The following CNOT1 variants were observed in gnomAD, a reference collection of about 807,000 sequenced individuals.
The protein encoded by CNOT1 is CCR4-NOT transcription complex subunit 1.
In CNOT1, 15 loss-of-function variants were observed where a neutral mutation model predicts 273.8. That is an observed-to-expected ratio of 0.05 (90% confidence interval 0.04 to 0.08). CNOT1 has a LOEUF of 0.08. Ranked by LOEUF, CNOT1 falls within the 10% of genes least tolerant of loss-of-function variation. CNOT1 has a pLI of 1.00. For synonymous variants in CNOT1, 1,022 were observed against 1,005.5 expected (o/e 1.02, Z -0.31); for missense variants, 1,644 against 2,912.2 (o/e 0.56, Z 10.02).
At chr16:58,558,059 AG>A (rs1304291504) in intron 18 of CNOT1, among the ~76,000 whole-genome samples, 1 of 152,182 alleles carries the variant, frequency 6.6e-6, no homozygotes, top group Non-Finnish European at 1.5e-5. Flanking sequence ...ATCATTTTCA[AG>A]GTTGGTGAAA....
chr16:58,601,872 TAAA>T (rs10713432), intron 1 of CNOT1, among the ~76,000 whole-genome samples: 1 of 144,242 alleles, frequency 6.9e-6, no homozygotes. Context: ...CCCTGTCTAT[TAAA>T]AAAAAAAAAA....
intron 17 of CNOT1, among the ~76,000 whole-genome samples, 153 bp from the exon 18 acceptor site, chr16:58,558,827 C>G (rs749282275): frequency 6.6e-6 from 1 of 152,194 alleles, no homozygotes; most frequent in Non-Finnish European, 1.5e-5. Context: ...GTTATCAAGT[C>G]AAGTGTGTCA....
rs1380461103 is a variant in CNOT1 at position 58,542,338 on chromosome 16, G to A, written c.4576-3C>T. 6.2e-7 allele frequency: 1 copy of A among 1,613,118 alleles called. No individual in the cohort carries two copies. Among genetic ancestry groups the A allele is most frequent in the South Asian group, 1.1e-5 (1 of 90,960 alleles). On this transcript the variant is annotated splice_polypyrimidine_tract_variant and splice_region_variant and intron_variant, in intron 32 of 48. Transcript: ENST00000317147. Reference sequence around the variant, plus strand: ...GCATGTTTTCTCAGCTCAAATTCCTGCAAACAAAAAAAGTCACTGAGGTTC... The same window carrying A: ...GCATGTTTTCTCAGCTCAAATTCCTACAAACAAAAAAAGTCACTGAGGTTC...
chr16:58,526,019 A>T lies in CNOT1; in HGVS notation c.6573T>A (p.Thr2191=), dbSNP rs767516673. The part of the protein sequence containing the change: ...DSYLKTRSPV[T]FLSDLRSNLQ... ...GGTTGCTGCGCAGATCAGACAGGAA[A>T]GTGACTGGTGATCGAGTTTTAAGAT... Residue 2191 remains threonine (T), a synonymous_variant, in exon 45 of 49, where the codon ACT becomes ACA. Transcript: ENST00000317147. 1.2e-6 allele frequency: 2 copies of T among 1,614,156 alleles called. No individual in the cohort carries two copies. Among genetic ancestry groups the T allele is most frequent in the Non-Finnish European group, 1.7e-6 (2 of 1,179,998 alleles).
At position 58,547,468 on chromosome 16, in the gene CNOT1, C is replaced by T. The variant is rs1440800957; in HGVS notation, c.3639+98G>A. ...ACTCAAAACGTGGGCCAAAATCTTA[C>T]AAAACCCCAATAATCATTAAATAGC... On this transcript the variant is annotated intron_variant, in intron 26 of 48. Transcript: ENST00000317147. The surrounding 1 kb of genome is among the most constrained non-coding windows in gnomAD (Gnocchi z 4.0). 2.0e-6 allele frequency: 3 copies of T among 1,516,236 alleles called. No homozygotes were observed. The highest frequency in any genetic ancestry group is 1.4e-5 in the African/African-American group (1 of 71,800). 93.9% of individuals were successfully genotyped at this position (1,516,236 alleles called of 1,614,324 possible).
chr16:58,584,165 C>CAAAAGAA, intron 8 of CNOT1, among the ~76,000 whole-genome samples: 1 of 142,318 alleles, frequency 7.0e-6, no homozygotes, highest in African/African-American at 2.6e-5. Flanking sequence ...AACACTCCGT[C>CAAAAGAA]TCAAAAAAAA....
chr16:58,579,352 A>G (rs2041574720), intron 12 of CNOT1, among the ~76,000 whole-genome samples: 1 of 152,218 alleles, frequency 6.6e-6, no homozygotes. Context: ...TGGATTCTCA[A>G]TCATAGAAAT....
Position 58,538,658 on chromosome 16 carries a change from AGTGT to A in CNOT1, c.5135+110_5135+113del, listed in dbSNP as rs2039990062. Reference sequence around the variant, plus strand: ...TCACCTCTCAGAAGTAGGAAGTCTAAGTGTCCGACCTACCTACTAGAAAAAAGGG... The same window carrying A: ...TCACCTCTCAGAAGTAGGAAGTCTAACCGACCTACCTACTAGAAAAAAGGG... On this transcript the variant is annotated intron_variant, in intron 36 of 48. Coordinates refer to ENST00000317147, the MANE Select transcript of CNOT1 (RefSeq NM_016284.5). 35 of 1,458,744 alleles carry A rather than the reference AGTGT, an allele frequency of 2.4e-5. No individual in the cohort carries two copies. The East Asian group carries it at 7.8e-4, about 32-fold the overall frequency. The allele number at this position is 1,458,744 out of a possible 1,614,324, so 90.4% of individuals were successfully genotyped here. A position where few individuals can be genotyped will look rare whatever the true frequency, so the allele number is the denominator to read the frequency against.
At chr16:58,546,830 A>G (rs12597580) in intron 27 of CNOT1, 81 bp from the exon 28 acceptor site, 84,121 of 1,536,112 alleles carry the variant, frequency 0.055, 5,398 homozygotes, top group East Asian at 0.25. Context: ...ATACAACATA[A>G]GGGGGTAGGG....
chr16:58,537,670 C>G (rs939867994), intron 38 of CNOT1, among the ~76,000 whole-genome samples: 1 of 152,214 alleles, frequency 6.6e-6, no homozygotes, highest in African/African-American at 2.4e-5. Flanking sequence ...GACTCTGACA[C>G]TAAGTCTGGT....
In CNOT1 at chr16:58,614,389, C is replaced by T. The variant is rs905299948; in HGVS notation, c.-174-14878G>A. Among the ~76,000 whole-genome samples, 7 of 125,166 alleles carry T rather than the reference C, an allele frequency of 5.6e-5. 1 individual carries two copies. Among genetic ancestry groups the T allele is most frequent in the African/African-American group, 1.9e-4 (7 of 37,140 alleles). The allele number at this position is 125,166 out of a possible 152,430, so 82.1% of individuals were successfully genotyped here. A position where few individuals can be genotyped will look rare whatever the true frequency, so the allele number is the denominator to read the frequency against. On this transcript the variant is annotated intron_variant, in intron 1 of 48. Coordinates refer to ENST00000317147, the MANE Select transcript of CNOT1 (RefSeq NM_016284.5). Reference sequence around the variant, plus strand: ...AACCAAATGTGGTTTATGATGAACACCGGCTTTCTATCTAGATGAATACCA... The same window carrying T: ...AACCAAATGTGGTTTATGATGAACATCGGCTTTCTATCTAGATGAATACCA...
At chr16:58,543,513 G>C in intron 31 of CNOT1, 94 bp downstream of exon 31, 1 of 1,578,052 alleles carries the variant, frequency 6.3e-7, no homozygotes, top group Non-Finnish European at 8.6e-7. Flanking sequence ...AGAATAAGTG[G>C]TAACGCCCAG....
At chr16:58,522,763 C>T (rs2039447586) in intron 47 of CNOT1, among the ~76,000 whole-genome samples, 1 of 152,246 alleles carries the variant, frequency 6.6e-6, no homozygotes, top group Non-Finnish European at 1.5e-5. Flanking sequence ...ACCACCACCT[C>T]AGAGAAACTC....
chr16:58,573,104 G>C (rs140733922), intron 16 of CNOT1, among the ~76,000 whole-genome samples: 2 of 151,944 alleles, frequency 1.3e-5, no homozygotes, highest in East Asian at 3.9e-4. Context: ...TCAGGAGTTT[G>C]AGACCGGCCT....
chr16:58,596,887 C>CA (rs58567423), intron 2 of CNOT1, among the ~76,000 whole-genome samples: 898 of 69,940 alleles, frequency 0.013, 132 homozygotes, highest in East Asian at 0.041. Context: ...GACTCCGTCT[C>CA]AAAAAAAAAA....
rs2041703565 is a variant in CNOT1 at position 58,582,901 on chromosome 16, A to G, written c.936T>C (p.Ser312=). 6.2e-7 allele frequency: 1 copy of G among 1,612,640 alleles called. No homozygotes were observed. Among genetic ancestry groups the G allele is most frequent in the Non-Finnish European group, 8.5e-7 (1 of 1,178,876 alleles). ...SGLTDGIPLQ[S]ISAPGSGIWS... Reference sequence around the variant, plus strand: ...AGATCCCACTGCCCGGAGCAGAAATACTCTGTAGAAGTAAAACTTGAATTA... The same window carrying G: ...AGATCCCACTGCCCGGAGCAGAAATGCTCTGTAGAAGTAAAACTTGAATTA... Residue 312 remains serine, a splice_region_variant and synonymous_variant, in exon 10 of 49, where the codon AGT becomes AGC. Transcript: ENST00000317147.
chr16:58,551,284 A>T lies in CNOT1; in HGVS notation c.3202-12T>A. The T allele has an allele frequency of 6.4e-7, 1 of 1,562,756 alleles. No homozygotes were observed. The stretch of plus-strand genomic sequence containing the variant: ...GTATTAATAGAAGGCTAAAAAAAAA[A>T]AATAAAGTACATAAGGCAAATAAGT... On this transcript the variant is annotated splice_polypyrimidine_tract_variant and intron_variant, in intron 23 of 48. Coordinates refer to ENST00000317147, the MANE Select transcript of CNOT1 (RefSeq NM_016284.5).
chr16:58,536,598 C>T (rs1324356879), intron 39 of CNOT1, among the ~76,000 whole-genome samples: 1 of 148,362 alleles, frequency 6.7e-6, no homozygotes, highest in Non-Finnish European at 1.5e-5. Context: ...AACACTCTAC[C>T]ATTTAAATAA....
At chr16:58,622,956 G>C (rs2043407484) in intron 1 of CNOT1, among the ~76,000 whole-genome samples, 1 of 152,010 alleles carries the variant, frequency 6.6e-6, no homozygotes, top group South Asian at 2.1e-4. Flanking sequence ...CCAGCACTTA[G>C]GGAGGCCAAG....
Sources: gnomAD v4.1 joint callset for allele counts (sites outside exome capture counted in the v4.1 genomes callset) on GRCh38, gnomAD v4.1.1 for gene constraint, Gnocchi (gnomAD v3.1) non-coding constraint, MANE v1.5 for transcripts, NCBI Gene and HGNC (gene_info 2026-07-23, HGNC 2026-07-21) for gene names.